EDF1: variants seen among roughly 807,000 people sequenced by gnomAD.
EDF1 encodes endothelial differentiation related factor 1.
EDF1 carries 5 observed loss-of-function variants against 20.8 expected under a neutral mutation model. The observed-to-expected ratio is 0.24, with a 90% CI of 0.13 to 0.51. The LOEUF (loss-of-function observed/expected upper bound fraction) is 0.51, where lower values mean the gene tolerates loss of function less well. Among genes scored for constraint, EDF1 ranks in the 20% least tolerant of loss-of-function variants. The probability of loss-of-function intolerance (pLI) is 0.97; values close to 1 mark genes in which losing one functional copy is unlikely to be tolerated. For missense variants in EDF1, 137 were observed against 197.8 expected (o/e 0.69, Z 1.84); for synonymous variants, 96 against 78.5 (o/e 1.22, Z -1.18).
intron 1 of EDF1, among the ~76,000 whole-genome samples, chr9:136,864,105 G>A (rs1188635478): frequency 5.3e-5 from 8 of 152,000 alleles, no homozygotes; most frequent in Admixed American, 1.3e-4. Flanking sequence ...CCACGAGTTC[G>A]AGACCAGCCT....
chr9:136,864,926 A>G (rs926349284), intron 1 of EDF1, among the ~76,000 whole-genome samples: 6 of 152,270 alleles, frequency 3.9e-5, no homozygotes, highest in South Asian at 4.2e-4. Context: ...CCCGGCCAAC[A>G]TTTCTACCAC....
In EDF1 at chr9:136,863,121, G is replaced by T; in HGVS notation, c.292-122C>A. 1 of 1,521,370 alleles carries T rather than the reference G, an allele frequency of 6.6e-7. No individual in the cohort carries two copies. The highest frequency in any genetic ancestry group is 9.0e-7 in the Non-Finnish European group (1 of 1,112,390). 94.2% of individuals were successfully genotyped at this position (1,521,370 alleles called of 1,614,324 possible). A position where few individuals can be genotyped will look rare whatever the true frequency, so the allele number is the denominator to read the frequency against. On this transcript the variant is annotated intron_variant, in intron 3 of 4. Coordinates refer to ENST00000224073, the MANE Select transcript of EDF1 (RefSeq NM_003792.4). This position sits in a 1 kb window ranked among gnomAD's most constrained non-coding sequence, Gnocchi z 4.5. The stretch of plus-strand genomic sequence containing the variant: ...CTGGGGTACGCACCCACACGCAGCT[G>T]GGTTTTGTGCGAGAGGCAGTGAGAG...
Position 136,863,746 on chromosome 9 carries a change from G to C in EDF1, c.130+74C>G. The stretch of plus-strand genomic sequence containing the variant: ...AGCTGACAACGTCCCCGGGGGCGCC[G>C]CACACACCACACCCACCAGCACATG... On this transcript the variant is annotated intron_variant, in intron 2 of 4. Coordinates refer to ENST00000224073, the MANE Select transcript of EDF1 (RefSeq NM_003792.4). The surrounding 1 kb of genome is among the most constrained non-coding windows in gnomAD (Gnocchi z 4.5). 6.4e-7 allele frequency: 1 copy of C among 1,573,600 alleles called. No homozygotes were observed. The highest frequency in any genetic ancestry group is 8.7e-7 in the Non-Finnish European group (1 of 1,146,318).
Position 136,863,492 on chromosome 9 carries a change from T to C in EDF1, c.131-44A>G. The stretch of plus-strand genomic sequence containing the variant: ...AAAAGCAGAGGAGAGGATTTGGAAT[T>C]AACCTGAAGAAAAACCATTTCAAAG... On this transcript the variant is annotated intron_variant, in intron 2 of 4. Transcript: ENST00000224073. This position sits in a 1 kb window ranked among gnomAD's most constrained non-coding sequence, Gnocchi z 4.5. The C allele has an allele frequency of 6.3e-7, 1 of 1,589,484 alleles. No individual in the cohort carries two copies.
Position 136,863,460 on chromosome 9 carries a change from G to A in EDF1, c.131-12C>T, listed in dbSNP as rs553641698. ...CTGGCCAGCAGCCCCTGGAGTCGGTGTGAGGCAAAAGCAGAGGAGAGGATT... is the reference window on the plus strand; with the variant it reads ...CTGGCCAGCAGCCCCTGGAGTCGGTATGAGGCAAAAGCAGAGGAGAGGATT... On this transcript the variant is annotated splice_polypyrimidine_tract_variant and intron_variant, in intron 2 of 4. Coordinates refer to ENST00000224073, the MANE Select transcript of EDF1 (RefSeq NM_003792.4). This position sits in a 1 kb window ranked among gnomAD's most constrained non-coding sequence, Gnocchi z 4.5. The A allele has an allele frequency of 1.2e-6, 2 of 1,609,354 alleles. No homozygotes were observed. The highest frequency in any genetic ancestry group is 1.3e-5 in the African/African-American group (1 of 74,972).
chr9:136,862,369 C>T lies in EDF1; in HGVS notation c.386-24G>A, dbSNP rs1482043913. The stretch of plus-strand genomic sequence containing the variant: ...GCCTGAAATGAGCCACAGCCACTGG[C>T]CACTGCAGCACCAGCTCCCTCCTCC... On this transcript the variant is annotated intron_variant, in intron 4 of 4. Transcript: ENST00000224073. The surrounding 1 kb of genome is among the most constrained non-coding windows in gnomAD (Gnocchi z 4.1). 3.7e-6 allele frequency: 6 copies of T among 1,614,058 alleles called. No individual in the cohort carries two copies. Among genetic ancestry groups the T allele is most frequent in the Non-Finnish European group, 4.2e-6 (5 of 1,180,012 alleles).
rs878880575 is a variant in EDF1, at chr9:136,863,717, A to C, written c.130+103T>G. 1 of 1,417,126 alleles carries C rather than the reference A, an allele frequency of 7.1e-7. No homozygotes were observed. Among genetic ancestry groups the C allele is most frequent in the African/African-American group, 1.4e-5 (1 of 70,798 alleles). The allele number at this position is 1,417,126 out of a possible 1,614,324, so 87.8% of individuals were successfully genotyped here. A position where few individuals can be genotyped will look rare whatever the true frequency, so the allele number is the denominator to read the frequency against. ...CCGGCCAGCACCGGTGCAGGCAGGCACTCAGCTGACAACGTCCCCGGGGGC... is the reference window on the plus strand; with the variant it reads ...CCGGCCAGCACCGGTGCAGGCAGGCCCTCAGCTGACAACGTCCCCGGGGGC... On this transcript the variant is annotated intron_variant, in intron 2 of 4. Coordinates refer to ENST00000224073, the MANE Select transcript of EDF1 (RefSeq NM_003792.4). This position sits in a 1 kb window ranked among gnomAD's most constrained non-coding sequence, Gnocchi z 4.5.
chr9:136,863,782 C>G lies in EDF1; in HGVS notation c.130+38G>C, dbSNP rs375660957. 8.1e-6 allele frequency: 13 copies of G among 1,613,080 alleles called. No homozygotes were observed. Among genetic ancestry groups the G allele is most frequent in the Non-Finnish European group, 1.1e-5 (13 of 1,179,392 alleles). On this transcript the variant is annotated intron_variant, in intron 2 of 4. Transcript: ENST00000224073. The surrounding 1 kb of genome is among the most constrained non-coding windows in gnomAD (Gnocchi z 4.5). ...ACCCACCAGCACATGGACCCCACAG[C>G]ACAGCCTCATGTTGCAAGCGGAAAC...
At position 136,862,737 on chromosome 9, in the gene EDF1, C is replaced by T. The variant is rs1282432424; in HGVS notation, c.385+169G>A. ...GGGGTTTCCTGAGGCCTGCAGAGAC[C>T]CCACCATCCCTCAGTCTGTACTACC... On this transcript the variant is annotated intron_variant, in intron 4 of 4. Transcript: ENST00000224073. The surrounding 1 kb of genome is among the most constrained non-coding windows in gnomAD (Gnocchi z 4.1). 6.4e-7 allele frequency: 1 copy of T among 1,557,264 alleles called. No individual in the cohort carries two copies. Among genetic ancestry groups the T allele is most frequent in the Non-Finnish European group, 8.6e-7 (1 of 1,157,240 alleles).
In EDF1 at chr9:136,863,191, G is replaced by T; in HGVS notation, c.291+97C>A. ...CGAGGCATTCCCTGCAGGGGAACCAGGGGGGTGGAGCCCACCCTCCCCGTG... is the reference window on the plus strand; with the variant it reads ...CGAGGCATTCCCTGCAGGGGAACCATGGGGGTGGAGCCCACCCTCCCCGTG... On this transcript the variant is annotated intron_variant, in intron 3 of 4. Transcript: ENST00000224073. This position sits in a 1 kb window ranked among gnomAD's most constrained non-coding sequence, Gnocchi z 4.5. The T allele has an allele frequency of 6.5e-7, 1 of 1,542,120 alleles. No individual in the cohort carries two copies. Among genetic ancestry groups the T allele is most frequent in the Non-Finnish European group, 8.8e-7 (1 of 1,141,752 alleles).
intron 1 of EDF1, among the ~76,000 whole-genome samples, 155 bp downstream of exon 1, chr9:136,866,026 C>A (rs1486923700): frequency 7.1e-6 from 1 of 141,414 alleles, no homozygotes; most frequent in Non-Finnish European, 1.5e-5. Context: ...GCCCTTCGAA[C>A]CCCGTCCTGC....
chr9:136,862,526 C>A lies in EDF1; in HGVS notation c.386-181G>T. 6.2e-7 allele frequency: 1 copy of A among 1,607,068 alleles called. No homozygotes were observed. ...TTTTGAAGAGGATGAGTCTGATCAC[C>A]TTAGACAGCAGAGCATGAACACCCC... On this transcript the variant is annotated intron_variant, in intron 4 of 4. Coordinates refer to ENST00000224073, the MANE Select transcript of EDF1 (RefSeq NM_003792.4). This position sits in a 1 kb window ranked among gnomAD's most constrained non-coding sequence, Gnocchi z 4.1.
chr9:136,862,485 T>C lies in EDF1; in HGVS notation c.386-140A>G. 1 of 1,612,658 alleles carries C rather than the reference T, an allele frequency of 6.2e-7. No homozygotes were observed. Among genetic ancestry groups the C allele is most frequent in the Non-Finnish European group, 8.5e-7 (1 of 1,179,856 alleles). Reference sequence around the variant, plus strand: ...TGGGCTCTCAGCACACGAGCACTCCTGGTTCCCACATCTAATTTTGAAGAG... The same window carrying C: ...TGGGCTCTCAGCACACGAGCACTCCCGGTTCCCACATCTAATTTTGAAGAG... On this transcript the variant is annotated intron_variant, in intron 4 of 4. Transcript: ENST00000224073. The surrounding 1 kb of genome is among the most constrained non-coding windows in gnomAD (Gnocchi z 4.1).
chr9:136,863,239 C>T lies in EDF1; in HGVS notation c.291+49G>A, dbSNP rs775428478. The T allele has an allele frequency of 9.4e-6, 15 of 1,587,948 alleles. No homozygotes were observed. The African/African-American group carries it at 1.1e-4, about 11-fold the overall frequency. ...GTGCTATCTGAACACCGGCCATCCC[C>T]CTCCCCAAACCCACAACCCCAGGAG... On this transcript the variant is annotated intron_variant, in intron 3 of 4. Transcript: ENST00000224073. This position sits in a 1 kb window ranked among gnomAD's most constrained non-coding sequence, Gnocchi z 4.5.
Position 136,863,378 on chromosome 9 carries a change from C to T in EDF1, c.201G>A (p.Glu67=), listed in dbSNP as rs776697597. ...NTAKLDRETE[E]LHHDRVTLEV... is the part of the protein sequence containing the mutation. Reference sequence around the variant, plus strand: ...CCAGGGTCACCCTGTCATGGTGCAGCTCCTCTGTCTCCCGGTCCAGCTTGG... The same window carrying T: ...CCAGGGTCACCCTGTCATGGTGCAGTTCCTCTGTCTCCCGGTCCAGCTTGG... Residue 67 remains glutamate (E), a synonymous_variant, in exon 3 of 5, where the codon GAG becomes GAA. Transcript: ENST00000224073. This position sits in a 1 kb window ranked among gnomAD's most constrained non-coding sequence, Gnocchi z 4.5. The T allele has an allele frequency of 6.2e-7, 1 of 1,614,160 alleles. No individual in the cohort carries two copies. The highest frequency in any genetic ancestry group is 1.7e-5 in the Admixed American group (1 of 60,026).
At chr9:136,864,107 G>A (rs1849167484) in intron 1 of EDF1, among the ~76,000 whole-genome samples, 1 of 152,012 alleles carries the variant, frequency 6.6e-6, no homozygotes. Flanking sequence ...ACGAGTTCGA[G>A]ACCAGCCTGG....
At chr9:136,865,957 C>T (rs1455016245) in intron 1 of EDF1, among the ~76,000 whole-genome samples, 1 of 148,884 alleles carries the variant, frequency 6.7e-6, no homozygotes, top group African/African-American at 2.5e-5. Flanking sequence ...CTCCTGGGTC[C>T]GCCCCCCACC....
At position 136,862,241 on chromosome 9, in the gene EDF1, G is replaced by T; in HGVS notation, c.*43C>A. On this transcript the variant is annotated 3_prime_UTR_variant, in exon 5 of 5. Transcript: ENST00000224073. This position sits in a 1 kb window ranked among gnomAD's most constrained non-coding sequence, Gnocchi z 4.1. ...GAACTGGCGGCCAAGGGGAACCGGC[G>T]GAACGAGATCAGCTGGAGCGCACTG... 6.2e-7 allele frequency: 1 copy of T among 1,612,480 alleles called. No individual in the cohort carries two copies. Among genetic ancestry groups the T allele is most frequent in the Non-Finnish European group, 8.5e-7 (1 of 1,178,624 alleles).
Position 136,863,263 on chromosome 9 carries a change from A to C in EDF1, c.291+25T>G. ...CCCTCCCCAAACCCACAACCCCAGG[A>C]GTGAGAGCCCCGGCGCAGCCTCACC... On this transcript the variant is annotated intron_variant, in intron 3 of 4. Transcript: ENST00000224073. The surrounding 1 kb of genome is among the most constrained non-coding windows in gnomAD (Gnocchi z 4.5). 1 of 1,603,442 alleles carries C rather than the reference A, an allele frequency of 6.2e-7. No individual in the cohort carries two copies. The highest frequency in any genetic ancestry group is 1.1e-5 in the South Asian group (1 of 90,806).
Sources: gnomAD v4.1 joint callset for allele counts (sites outside exome capture counted in the v4.1 genomes callset) on GRCh38, gnomAD v4.1.1 for gene constraint, Gnocchi (gnomAD v3.1) non-coding constraint, MANE v1.5 for transcripts, NCBI Gene and HGNC (gene_info 2026-07-23, HGNC 2026-07-21) for gene names.